Variants in NUP188 observed in about 807,000 individuals in gnomAD.
NUP188 encodes nucleoporin 188.
A neutral mutation model predicts 223.0 loss-of-function variants in NUP188; 97 were observed. The ratio of observed to expected loss-of-function variants is 0.43; its 90% confidence interval spans 0.37 to 0.51. The LOEUF is 0.51. NUP188 is among the 20% of genes least tolerant of loss of function. The pLI is 0.00. For synonymous variants in NUP188, 869 were observed against 828.0 expected, an observed-to-expected ratio of 1.05 and a Z score of -0.85; for missense variants, 1,947 against 2,175.6, an observed-to-expected ratio of 0.89 and a Z score of 2.09.
chr9:129,005,363 G>A lies in NUP188; in HGVS notation c.4570G>A (p.Ala1524Thr). 6.2e-7 allele frequency: 1 copy of A among 1,613,618 alleles called. No individual in the cohort carries two copies. Reference sequence around the variant, plus strand: ...CCAGCGAGTCCAGAGGCCACCGTCTGCTGCTTCTGCTGCCCCCTCCTCCTC... The same window carrying A: ...CCAGCGAGTCCAGAGGCCACCGTCTACTGCTTCTGCTGCCCCCTCCTCCTC... ...VAQRVQRPPS[A>T]ASAAPSSSKQ... The change falls in exon 40 of 44, where the codon GCT becomes ACT. Residue 1524 changes from alanine to threonine, a missense_variant. Ala to Thr is a moderately conservative substitution (Grantham distance 58). Transcript: ENST00000372577.
At chr9:128,956,868 C>T in intron 4 of NUP188, 84 bp from the exon 5 acceptor site, 1 of 902,192 alleles carries the variant, frequency 1.1e-6, no homozygotes, top group Non-Finnish European at 1.7e-6. Context: ...GTCCTGTGTT[C>T]ATTGTAGAAG....
intron 8 of NUP188, chr9:128,964,187 C>G (rs1230500635): frequency 3.5e-6 from 1 of 287,830 alleles, no homozygotes; most frequent in Admixed American, 5.2e-5. Flanking sequence ...TATTTACTTA[C>G]ACCTTCTTCA....
At chr9:128,987,088 A>AGTGTGTGTGT (rs376346210) in intron 22 of NUP188, among the ~76,000 whole-genome samples, 22 of 113,254 alleles carry the variant, frequency 1.9e-4, no homozygotes, top group East Asian at 5.5e-4. Context: ...AGAGAGAGAG[A>AGTGTGTGTGT]GTGTGTGTGT....
At chr9:129,003,113 G>A in intron 37 of NUP188, 138 bp downstream of exon 37, 1 of 1,123,382 alleles carries the variant, frequency 8.9e-7, no homozygotes, top group Non-Finnish European at 1.2e-6. Flanking sequence ...GATGCTCTAA[G>A]TACTCTGCTG....
Position 129,005,284 on chromosome 9 carries a change from A to G in NUP188, c.4510-19A>G. ...CGCTAGCTTCCCAAGCTCCACCTTC[A>G]TTTCTTGACTCTCCTTAGAACAAAA... is the stretch of plus-strand genomic sequence containing the variant. On this transcript the variant is annotated intron_variant, in intron 39 of 43. Coordinates refer to ENST00000372577, the MANE Select transcript of NUP188 (RefSeq NM_015354.3). The G allele has an allele frequency of 2.5e-6, 4 of 1,613,276 alleles. No individual in the cohort carries two copies. The East Asian group carries it at 8.9e-5, about 36-fold the overall frequency.
chr9:129,001,478 T>A, intron 34 of NUP188, 51 bp from the exon 35 acceptor site: 3 of 1,577,996 alleles, frequency 1.9e-6, no homozygotes, highest in Non-Finnish European at 2.6e-6. Flanking sequence ...TGTCGTCCTC[T>A]TCCTCCTCCT....
At chr9:128,967,639 A>T (rs1490884352) in intron 8 of NUP188, among the ~76,000 whole-genome samples, 1 of 152,046 alleles carries the variant, frequency 6.6e-6, no homozygotes. Context: ...AAAAGAAAAA[A>T]ATCAGCCGGG....
Position 128,968,536 on chromosome 9 carries a change from C to T in NUP188, c.616C>T (p.Gln206Ter). ...GCGCCAAGTGTCTCGCTGGTTTGTTCAGTGCCTTCGGGAACAGTCCATGCT... is the reference window on the plus strand; with the variant it reads ...GCGCCAAGTGTCTCGCTGGTTTGTTTAGTGCCTTCGGGAACAGTCCATGCT... ...TERQVSRWFV[Q>*]CLREQSMLLE... is the part of the protein sequence containing the mutation. Residue 206 changes from glutamine to a stop codon, truncating the protein, a stop_gained, in exon 9 of 44, where the codon CAG (glutamine) becomes TAG (stop). Transcript: ENST00000372577. LOFTEE classifies it high-confidence loss of function. The T allele has an allele frequency of 6.2e-7, 1 of 1,614,152 alleles. No individual in the cohort carries two copies. Among genetic ancestry groups the T allele is most frequent in the Non-Finnish European group, 8.5e-7 (1 of 1,180,002 alleles).
Position 128,980,730 on chromosome 9 carries a change from G to C in NUP188, c.1389+5G>C, listed in dbSNP as rs374343955. 1.2e-6 allele frequency: 2 copies of C among 1,613,700 alleles called. No homozygotes were observed. The highest frequency in any genetic ancestry group is 1.7e-6 in the Non-Finnish European group (2 of 1,179,892). ...GGGAAGTCCACAGCCAAAAAGGTAA[G>C]TTGCTTAGTCAGATAAGTAAAGAGA... On this transcript the variant is annotated splice_donor_5th_base_variant and intron_variant, in intron 14 of 43. Transcript: ENST00000372577.
chr9:128,976,569 G>A (rs1187938640), intron 12 of NUP188, among the ~76,000 whole-genome samples: 1 of 152,080 alleles, frequency 6.6e-6, no homozygotes, highest in Non-Finnish European at 1.5e-5. Flanking sequence ...TACTTGGGAG[G>A]CTGAGGCAGG....
chr9:128,968,731 T>C lies in NUP188; in HGVS notation c.797+14T>C. The C allele has an allele frequency of 1.9e-6, 3 of 1,587,302 alleles. No individual in the cohort carries two copies. The South Asian group carries it at 3.3e-5, about 18-fold the overall frequency. On this transcript the variant is annotated intron_variant, in intron 9 of 43. Transcript: ENST00000372577. ...AGATCGGATTGGGTAAGTCAGTGAA[T>C]TGAACATCATGGAACTTGCAGTGTT...
At chr9:128,979,054 G>T (rs888586794) in intron 12 of NUP188, among the ~76,000 whole-genome samples, 4 of 152,134 alleles carry the variant, frequency 2.6e-5, no homozygotes, top group African/African-American at 4.8e-5. Flanking sequence ...CTATATTAAG[G>T]TGTTTATTTT....
At chr9:129,003,921 TA>T (rs1295578666) in intron 38 of NUP188, 1 of 277,746 alleles carries the variant, frequency 3.6e-6, no homozygotes, top group Non-Finnish European at 6.7e-6. Flanking sequence ...TGCAGTGAGC[TA>T]GGATCGAACC....
At chr9:128,983,599 A>AT (rs769714775) in intron 19 of NUP188, 49 bp downstream of exon 19, 2 of 1,248,110 alleles carry the variant, frequency 1.6e-6, no homozygotes, top group South Asian at 2.4e-5. Context: ...TGAGAACCAC[A>AT]TATGTCTCAG....
chr9:128,949,180 A>AT lies in NUP188; in HGVS notation c.33-5dup, dbSNP rs1338688787. The AT allele has an allele frequency of 6.2e-7, 1 of 1,608,744 alleles. No individual in the cohort carries two copies. Among genetic ancestry groups the AT allele is most frequent in the Non-Finnish European group, 8.5e-7 (1 of 1,176,068 alleles). On this transcript the variant is annotated splice_polypyrimidine_tract_variant and intron_variant, in intron 1 of 43. Transcript: ENST00000372577. Reference sequence around the variant, plus strand: ...AGAGCAAAATTACCTCTGTTCTCTCATTTTGCAGGAGCAGTAGAGAACTGT... The same window carrying AT: ...AGAGCAAAATTACCTCTGTTCTCTCATTTTTGCAGGAGCAGTAGAGAACTGT...
In NUP188 at chr9:128,959,029, C is replaced by A; in HGVS notation, c.480C>A (p.Asp160Glu). ...ATTTTTTAAAGGTTGAATATGCAGACTGTGTTGATAAATTGGAGAAGGAAC... is the reference window on the plus strand; with the variant it reads ...ATTTTTTAAAGGTTGAATATGCAGAATGTGTTGATAAATTGGAGAAGGAAC... ...ERHPYRVEYA[D>E]CVDKLEKELV... The change falls in exon 8 of 44, where the codon GAC (aspartate) becomes GAA (glutamate). Residue 160 changes from aspartate (D) to glutamate (E), a missense_variant. Coordinates refer to ENST00000372577, the MANE Select transcript of NUP188 (RefSeq NM_015354.3). 1 of 1,581,326 alleles carries A rather than the reference C, an allele frequency of 6.3e-7. No homozygotes were observed. The highest frequency in any genetic ancestry group is 8.6e-7 in the Non-Finnish European group (1 of 1,157,860).
intron 12 of NUP188, among the ~76,000 whole-genome samples, chr9:128,974,692 T>C (rs578055008): frequency 5.3e-5 from 8 of 152,240 alleles, no homozygotes; most frequent in Non-Finnish European, 1.2e-4. Context: ...TCAGATACTA[T>C]TTAACTTAAT....
chr9:128,959,185 T>A, intron 8 of NUP188, 51 bp downstream of exon 8: 1 of 1,444,294 alleles, frequency 6.9e-7, no homozygotes, highest in Non-Finnish European at 9.3e-7. Context: ...AGATGGAGTT[T>A]CCCTCTGTCA....
At chr9:128,987,799 C>T (rs1564561673) in intron 23 of NUP188, 82 bp downstream of exon 23, 1 of 1,532,498 alleles carries the variant, frequency 6.5e-7, no homozygotes. Flanking sequence ...AGTTAACTTG[C>T]AGTAGCTTTT....
Sources: gnomAD v4.1 joint callset for allele counts (sites outside exome capture counted in the v4.1 genomes callset) on GRCh38, gnomAD v4.1.1 for gene constraint, MANE v1.5 for transcripts, NCBI Gene and HGNC (gene_info 2026-07-23, HGNC 2026-07-21) for gene names.